FIG4: variants seen among roughly 807,000 people sequenced by gnomAD.
FIG4 encodes polyphosphoinositide phosphatase.
In FIG4, 112 loss-of-function variants were observed where a neutral mutation model predicts 118.6. The observed-to-expected ratio is 0.94, with a 90% CI of 0.81 to 1.11. The LOEUF (loss-of-function observed/expected upper bound fraction) is 1.11. Ranked by LOEUF, FIG4 falls within the 50% of genes least tolerant of loss-of-function variation. FIG4 has a pLI of 0.00. For synonymous variants in FIG4, 369 were observed against 381.2 expected, an observed-to-expected ratio of 0.97 and a Z score of 0.37; for missense variants, 969 against 1,111.7, an observed-to-expected ratio of 0.87 and a Z score of 1.83.
chr6:109,710,745 G>C (rs1195845018), intron 1 of FIG4, among the ~76,000 whole-genome samples: 4 of 152,060 alleles, frequency 2.6e-5, no homozygotes, highest in Non-Finnish European at 5.9e-5. Flanking sequence ...ATTTCTTCTA[G>C]ATTTTCTAGT....
chr6:109,748,803 A>G (rs933336740), intron 10 of FIG4, among the ~76,000 whole-genome samples: 3 of 152,138 alleles, frequency 2.0e-5, no homozygotes, highest in African/African-American at 7.2e-5. Context: ...AACCCCTTAT[A>G]AAATCATCAC....
At chr6:109,752,249 T>C (rs1776731893) in intron 10 of FIG4, among the ~76,000 whole-genome samples, 1 of 151,656 alleles carries the variant, frequency 6.6e-6, no homozygotes, top group African/African-American at 2.4e-5. Flanking sequence ...TGTTGGACAT[T>C]TGGGTTGGTT....
intron 22 of FIG4, among the ~76,000 whole-genome samples, chr6:109,811,516 G>A (rs1352221410): frequency 2.0e-5 from 3 of 152,182 alleles, no homozygotes; most frequent in Non-Finnish European, 2.9e-5. Flanking sequence ...TTGAAAGAAC[G>A]TAGGTGATTC....
At chr6:109,764,931 G>GTTTTTGTT in intron 13 of FIG4, 82 bp from the exon 14 acceptor site, 75 of 1,302,428 alleles carry the variant, frequency 5.8e-5, no homozygotes, top group Non-Finnish European at 7.0e-5. Context: ...TTTTGTTTTT[G>GTTTTTGTT]TTTCTTAAAG....
At chr6:109,737,128 A>G (rs1776181322) in intron 6 of FIG4, among the ~76,000 whole-genome samples, 1 of 152,148 alleles carries the variant, frequency 6.6e-6, no homozygotes, top group Non-Finnish European at 1.5e-5. Context: ...GTAACAGTTC[A>G]TATTCACAGT....
chr6:109,744,688 C>A (rs562551112), intron 10 of FIG4, among the ~76,000 whole-genome samples: 1 of 151,922 alleles, frequency 6.6e-6, no homozygotes, highest in South Asian at 2.1e-4. Context: ...ATGTGCAGAA[C>A]GTGCAGGTTT....
intron 13 of FIG4, among the ~76,000 whole-genome samples, 185 bp downstream of exon 13, chr6:109,764,167 G>A (rs752409890): frequency 2.6e-5 from 4 of 152,190 alleles, no homozygotes; most frequent in South Asian, 4.1e-4. Context: ...GGCTGGGCGC[G>A]GTGGCTCATG....
intron 15 of FIG4, among the ~76,000 whole-genome samples, chr6:109,776,022 G>A (rs927346356): frequency 4.6e-5 from 7 of 152,112 alleles, no homozygotes; most frequent in Non-Finnish European, 8.8e-5. Context: ...TTGGAAAGAG[G>A]TTATTATTTA....
intron 16 of FIG4, among the ~76,000 whole-genome samples, chr6:109,778,451 C>T (rs1460011944): frequency 3.0e-5 from 4 of 134,578 alleles, no homozygotes; most frequent in Non-Finnish European, 6.2e-5. Flanking sequence ...ACCTGGGCAA[C>T]AAGAGCAAAC....
At chr6:109,802,337 A>G (rs1279615991) in intron 22 of FIG4, among the ~76,000 whole-genome samples, 1 of 152,162 alleles carries the variant, frequency 6.6e-6, no homozygotes, top group Admixed American at 6.5e-5. Context: ...AAATACAGTA[A>G]TTACTCCCAA....
intron 14 of FIG4, among the ~76,000 whole-genome samples, chr6:109,765,795 GA>G (rs1426595809): frequency 6.6e-6 from 1 of 152,130 alleles, no homozygotes; most frequent in Non-Finnish European, 1.5e-5. Flanking sequence ...GACAGTCCAT[GA>G]AGTATTATTT....
At chr6:109,713,380 G>A (rs1775328731) in intron 1 of FIG4, among the ~76,000 whole-genome samples, 1 of 152,182 alleles carries the variant, frequency 6.6e-6, no homozygotes, top group Non-Finnish European at 1.5e-5. Context: ...CACAGGGGCA[G>A]GGCACTGGTA....
chr6:109,764,406 C>T (rs1462674162), intron 13 of FIG4, among the ~76,000 whole-genome samples: 1 of 150,098 alleles, frequency 6.7e-6, no homozygotes, highest in Non-Finnish European at 1.5e-5. Context: ...CCACTGCACT[C>T]CAGCCTGGGT....
At chr6:109,764,922 T>A in intron 13 of FIG4, 91 bp from the exon 14 acceptor site, 1 of 1,234,920 alleles carries the variant, frequency 8.1e-7, no homozygotes, top group Non-Finnish European at 1.2e-6. Flanking sequence ...TGTTTTTGTT[T>A]TTGTTTTTGT....
chr6:109,800,707 C>T (rs1433662221), intron 22 of FIG4, among the ~76,000 whole-genome samples: 2 of 152,144 alleles, frequency 1.3e-5, no homozygotes, highest in East Asian at 3.8e-4. Flanking sequence ...CCCTAGAATG[C>T]TCCCTCCATG....
chr6:109,810,213 G>T (rs925330035), intron 22 of FIG4, among the ~76,000 whole-genome samples: 6 of 152,168 alleles, frequency 3.9e-5, no homozygotes, highest in African/African-American at 1.4e-4. Context: ...GTGCATGGAT[G>T]TAGGGAAGTT....
intron 13 of FIG4, among the ~76,000 whole-genome samples, chr6:109,764,221 G>A (rs749100389): frequency 5.8e-4 from 89 of 152,160 alleles, no homozygotes; most frequent in Non-Finnish European, 1.1e-3. Context: ...GGCAGATCAT[G>A]AGATCAGGAG....
chr6:109,737,351 C>T (rs2128386011), intron 6 of FIG4, among the ~76,000 whole-genome samples: 1 of 152,248 alleles, frequency 6.6e-6, no homozygotes, highest in East Asian at 1.9e-4. Context: ...GTAGTATTAA[C>T]ATCATTTTCT....
chr6:109,777,055 A>G lies in FIG4; in HGVS notation c.1884A>G (p.Arg628=), dbSNP rs1355449910. The G allele has an allele frequency of 6.2e-7, 1 of 1,613,474 alleles. No homozygotes were observed. The highest frequency in any genetic ancestry group is 8.5e-7 in the Non-Finnish European group (1 of 1,179,560). The change falls in exon 16 of 23, where the codon AGA becomes AGG. Residue 628 remains arginine, a synonymous_variant. Coordinates refer to ENST00000230124, the MANE Select transcript of FIG4 (RefSeq NM_014845.6). ...HKNTMRLLPT[R]RSYTYWWTPE... is the part of the protein sequence containing the mutation. ...ATACCATGAGACTTTTGCCAACAAG[A>G]AGAAGGTATTTTTCTTCCTAGTCTG...
Sources: allele counts gnomAD v4.1 joint callset (sites outside exome capture counted in the v4.1 genomes callset), GRCh38; gene constraint gnomAD v4.1.1; transcripts MANE v1.5; gene names NCBI Gene and HGNC (gene_info 2026-07-23, HGNC 2026-07-21).